Variants in ADGRG5 observed in about 807,000 individuals in gnomAD.
ADGRG5 encodes the protein adhesion G protein-coupled receptor G5.
Under a neutral mutation model 53.2 loss-of-function variants are expected in ADGRG5, and 37 were observed. That is an observed-to-expected ratio of 0.70 (90% CI 0.53 to 0.91). ADGRG5 has a LOEUF of 0.91. Ranked by LOEUF, ADGRG5 falls within the 40% of genes least tolerant of loss-of-function variation. The pLI, the probability that ADGRG5 is intolerant of heterozygous loss-of-function variation, is 0.00. For missense variants in ADGRG5, 614 were observed against 675.8 expected (o/e 0.91, Z 1.01); for synonymous variants, 277 against 290.4 (o/e 0.95, Z 0.47).
intron 10 of ADGRG5, among the ~76,000 whole-genome samples, chr16:57,571,672 T>TTTTG (rs2033364691): frequency 6.6e-6 from 1 of 150,660 alleles, no homozygotes; most frequent in Non-Finnish European, 1.5e-5. Flanking sequence ...TTTTTTTTTT[T>TTTTG]GAGATGGAGT....
In ADGRG5 at chr16:57,567,550, C is replaced by T. The variant is rs377484798; in HGVS notation, c.780C>T (p.Ile260=). The change falls in exon 8 of 12, where the codon ATC becomes ATT. Residue 260 remains isoleucine (I), a synonymous_variant. Coordinates refer to ENST00000349457, the MANE Select transcript of ADGRG5 (RefSeq NM_001304376.3). ...CCCTCGTGGGCTGCAGCATCTCCAT[C>T]GTGGCCTCGCTGATCACAGTCCTGC... ...YISLVGCSIS[I]VASLITVLLH... The T allele has an allele frequency of 1.5e-5, 24 of 1,611,742 alleles. No homozygotes were observed. Among genetic ancestry groups the T allele is most frequent in the East Asian group, 1.3e-4 (6 of 44,882 alleles).
chr16:57,538,194 C>T (rs767751707), upstream of ADGRG5, among the ~76,000 whole-genome samples: 11 of 152,282 alleles, frequency 7.2e-5, no homozygotes, highest in East Asian at 3.9e-4. Flanking sequence ...GTGACCCACC[C>T]GATCGTAGAA....
chr16:57,562,188 C>G (rs753066010), intron 2 of ADGRG5, 31 bp downstream of exon 2: 2 of 1,571,948 alleles, frequency 1.3e-6, no homozygotes, highest in South Asian at 2.3e-5. Context: ...TGGGGGCAGC[C>G]CTAGCCCAGT....
intron 10 of ADGRG5, among the ~76,000 whole-genome samples, chr16:57,571,367 A>G (rs1413428002): frequency 6.6e-6 from 1 of 152,064 alleles, no homozygotes; most frequent in Non-Finnish European, 1.5e-5. Context: ...AGCCCTAGCC[A>G]GTCAGTGGCA....
the ADGRG5 span, among the ~76,000 whole-genome samples, chr16:57,533,935 G>A: frequency 6.6e-6 from 1 of 152,136 alleles, no homozygotes; most frequent in Admixed American, 6.5e-5. Context: ...TTGGCATACT[G>A]CCCCACCAAG....
At chr16:57,567,727 T>C (rs2033176053) in intron 8 of ADGRG5, 129 bp from the exon 9 acceptor site, 1 of 1,411,262 alleles carries the variant, frequency 7.1e-7, no homozygotes, top group Admixed American at 1.9e-5. Context: ...AGCCTTGTGG[T>C]GCGACTGCTG....
intron 1 of ADGRG5, among the ~76,000 whole-genome samples, chr16:57,549,960 A>G (rs1286474278): frequency 1.3e-5 from 2 of 150,766 alleles, no homozygotes; most frequent in Non-Finnish European, 2.9e-5. Context: ...AGTGTTTCTC[A>G]TGTGCTTATT....
chr16:57,568,911 C>T (rs1392670160), intron 9 of ADGRG5, among the ~76,000 whole-genome samples: 2 of 151,624 alleles, frequency 1.3e-5, no homozygotes, highest in Non-Finnish European at 2.9e-5. Context: ...CCGTGATCAC[C>T]TCCTCCACCT....
intron 10 of ADGRG5, among the ~76,000 whole-genome samples, chr16:57,573,022 G>T (rs2146840164): frequency 6.6e-6 from 1 of 152,304 alleles, no homozygotes; most frequent in South Asian, 2.1e-4. Context: ...CTCATCTGCA[G>T]GATGAGGACG....
chr16:57,532,989 A>C, the ADGRG5 span, among the ~76,000 whole-genome samples: 3 of 152,180 alleles, frequency 2.0e-5, no homozygotes, highest in African/African-American at 7.2e-5. Flanking sequence ...GGGAGCTGCC[A>C]GGCCTGGCAC....
In ADGRG5 at chr16:57,575,593, C is replaced by A; in HGVS notation, c.*55C>A. 7.2e-7 allele frequency: 1 copy of A among 1,397,376 alleles called. No individual in the cohort carries two copies. The highest frequency in any genetic ancestry group is 1.0e-6 in the Non-Finnish European group (1 of 986,408). The allele number at this position is 1,397,376 out of a possible 1,614,324, so 86.6% of individuals were successfully genotyped here. On this transcript the variant is annotated 3_prime_UTR_variant, in exon 12 of 12. Transcript: ENST00000349457. ...CTCTCTGGCCGCCAGTAGCCTGAGGCTACGGCTCCTGCTAGAGAGGGTGGC... is the reference window on the plus strand; with the variant it reads ...CTCTCTGGCCGCCAGTAGCCTGAGGATACGGCTCCTGCTAGAGAGGGTGGC...
At chr16:57,566,487 G>C in intron 6 of ADGRG5, 112 bp from the exon 7 acceptor site, 1 of 968,098 alleles carries the variant, frequency 1.0e-6, no homozygotes, top group Non-Finnish European at 1.4e-6. Context: ...GCCAGTGCCT[G>C]GTAAAATGTT....
intron 1 of ADGRG5, among the ~76,000 whole-genome samples, chr16:57,553,895 C>A (rs1444419555): frequency 6.6e-6 from 1 of 152,104 alleles, no homozygotes; most frequent in Non-Finnish European, 1.5e-5. Flanking sequence ...GTTATCATTA[C>A]TTATTTTGTC....
chr16:57,540,258 A>G (rs2032471389), upstream of ADGRG5, among the ~76,000 whole-genome samples: 1 of 152,098 alleles, frequency 6.6e-6, no homozygotes, highest in African/African-American at 2.4e-5. Flanking sequence ...ACAAACAAAC[A>G]AACAAAAAAC....
At chr16:57,531,486 C>T in the ADGRG5 span, among the ~76,000 whole-genome samples, 1 of 149,974 alleles carries the variant, frequency 6.7e-6, no homozygotes, top group Non-Finnish European at 1.5e-5. Flanking sequence ...CCCACACCCA[C>T]CTCCCTGCCC....
chr16:57,558,085 T>G (rs936050047), intron 1 of ADGRG5, among the ~76,000 whole-genome samples: 6 of 152,248 alleles, frequency 3.9e-5, no homozygotes, highest in Non-Finnish European at 7.3e-5. Context: ...GGCTGTAGTA[T>G]AGGCCTCAAG....
intron 8 of ADGRG5, 41 bp downstream of exon 8, chr16:57,567,632 G>A: frequency 6.3e-7 from 1 of 1,596,740 alleles, no homozygotes; most frequent in Non-Finnish European, 8.5e-7. Context: ...CTGCACTGTG[G>A]CACATCACGC....
the ADGRG5 span, chr16:57,536,746 G>A: frequency 6.6e-6 from 1 of 152,234 alleles, no homozygotes; most frequent in Non-Finnish European, 1.5e-5. Context: ...GGGGCGAGGG[G>A]TGCGGGCCGG....
Position 57,562,123 on chromosome 16 carries a change from C to T in ADGRG5, c.30C>T (p.Cys10=), listed in dbSNP as rs2033018386. 4.4e-6 allele frequency: 7 copies of T among 1,601,672 alleles called. No homozygotes were observed. The South Asian group carries it at 6.7e-5, about 15-fold the overall frequency. Residue 10 remains cysteine, a synonymous_variant, in exon 2 of 12, where the codon TGC becomes TGT. Transcript: ENST00000349457. MDHCGALFL[C]LCLLTLQNAT... ...ATCACTGTGGTGCCCTTTTCCTGTG[C>T]CTGTGCCTTCTGACTTTGCAGAATG...
Sources: gnomAD v4.1 joint callset for allele counts (sites outside exome capture counted in the v4.1 genomes callset) on GRCh38, gnomAD v4.1.1 for gene constraint, MANE v1.5 for transcripts, NCBI Gene and HGNC (gene_info 2026-07-23, HGNC 2026-07-21) for gene names.